Variants in PYGL observed in about 807,000 individuals in gnomAD.
The protein encoded by PYGL is glycogen phosphorylase, liver form.
Under a neutral mutation model 100.1 loss-of-function variants are expected in PYGL, and 90 were observed. That is an observed-to-expected ratio of 0.90 (90% CI 0.76 to 1.07). The LOEUF (loss-of-function observed/expected upper bound fraction) is 1.07. Among genes scored for constraint, PYGL ranks in the 50% least tolerant of loss-of-function variants. The pLI, the probability that PYGL is intolerant of heterozygous loss-of-function variation, is 0.00. For missense variants in PYGL, 1,016 were observed against 1,057.6 expected, an observed-to-expected ratio of 0.96 and a Z score of 0.55; for synonymous variants, 373 against 393.0, an observed-to-expected ratio of 0.95 and a Z score of 0.60.
chr14:50,940,502 T>G (rs1240832475), intron 1 of PYGL, among the ~76,000 whole-genome samples: 1 of 152,250 alleles, frequency 6.6e-6, no homozygotes, highest in Admixed American at 6.5e-5. Flanking sequence ...AATACTTCCT[T>G]GCATGACAGA....
intron 4 of PYGL, among the ~76,000 whole-genome samples, chr14:50,931,114 G>A (rs1172497201): frequency 6.6e-6 from 1 of 152,126 alleles, no homozygotes; most frequent in African/African-American, 2.4e-5. Context: ...CAGGACACTT[G>A]GTTTGTGTCT....
chr14:50,906,254 G>T (rs1443666397), intron 19 of PYGL, among the ~76,000 whole-genome samples: 3 of 152,178 alleles, frequency 2.0e-5, no homozygotes, highest in African/African-American at 4.8e-5. Context: ...TGTATTGGAA[G>T]TGAACAGAAC....
chr14:50,919,666 GGT>G (rs35650221), intron 7 of PYGL, among the ~76,000 whole-genome samples: 106,000 of 148,600 alleles, frequency 0.71, 40,404 homozygotes, highest in East Asian at 0.96. Context: ...AGTTCCAAGT[GGT>G]GTGTGTGTGT....
rs774143179 is a variant in PYGL, at chr14:50,917,051, T to C, written c.910A>G (p.Thr304Ala). The part of the protein sequence containing the change: ...LKQEYFVVAA[T>A]LQDIIRRFKA... ...AAACGGCGGATGATATCTTGCAAGG[T>C]TGCAGCCACCACAAAGTATTCCTGC... Residue 304 changes from threonine to alanine, a missense_variant, in exon 8 of 20, where the codon ACC (threonine) becomes GCC (alanine). Thr to Ala is a moderately conservative substitution (Grantham distance 58). Coordinates refer to ENST00000216392, the MANE Select transcript of PYGL (RefSeq NM_002863.5). 7.4e-6 allele frequency: 12 copies of C among 1,613,934 alleles called. No individual in the cohort carries two copies. In the South Asian group the frequency reaches 9.9e-5, roughly 13 times the overall value.
At chr14:50,910,601 G>A (rs373202732) in intron 16 of PYGL, among the ~76,000 whole-genome samples, 42 of 152,076 alleles carry the variant, frequency 2.8e-4, no homozygotes, top group African/African-American at 8.7e-4. Flanking sequence ...AATTACAAGC[G>A]AGCACCACCA....
At chr14:50,914,478 T>C (rs191603603) in intron 12 of PYGL, among the ~76,000 whole-genome samples, 113 of 150,398 alleles carry the variant, frequency 7.5e-4, no homozygotes, top group Admixed American at 1.3e-3. Context: ...GCCTGGGTGA[T>C]AGAGTGAAAC....
intron 3 of PYGL, among the ~76,000 whole-genome samples, chr14:50,934,760 C>T (rs1157576240): frequency 6.6e-6 from 1 of 152,042 alleles, no homozygotes; most frequent in Non-Finnish European, 1.5e-5. Context: ...AAACTGTTCC[C>T]TATGACCCCC....
At chr14:50,920,858 A>C (rs1487696152) in intron 6 of PYGL, 98 bp downstream of exon 6, 3 of 1,285,242 alleles carry the variant, frequency 2.3e-6, no homozygotes, top group East Asian at 4.8e-5. Context: ...TCAGAAACTC[A>C]AGGCTTTTTT....
chr14:50,924,026 C>A lies in PYGL; in HGVS notation c.603G>T (p.Val201=), dbSNP rs138364932. The A allele has an allele frequency of 1.9e-3, 3,044 of 1,613,832 alleles. 7 individuals carry two copies. Among genetic ancestry groups the A allele is most frequent in the Non-Finnish European group, 2.4e-3 (2,864 of 1,179,740 alleles). Residue 201 remains valine, a synonymous_variant, in exon 5 of 20, where the codon GTG becomes GTT. Transcript: ENST00000216392. The part of the protein sequence containing the change: ...EKSRPEFMLP[V]HFYGKVEHTN... ...TGTGTTCTACTTTTCCATAGAAGTG[C>A]ACAGGCAGCATGAATTCTGGGCGGG...
intron 13 of PYGL, chr14:50,912,540 A>G (rs1262805123): frequency 1.8e-6 from 1 of 541,012 alleles, no homozygotes; most frequent in African/African-American, 1.9e-5. Flanking sequence ...ACGGGGTTTC[A>G]TCATGTTGGC....
chr14:50,943,462 T>C (rs905774670), intron 1 of PYGL, among the ~76,000 whole-genome samples: 1 of 152,162 alleles, frequency 6.6e-6, no homozygotes, highest in Admixed American at 6.5e-5. Context: ...GCCTCGGGTG[T>C]GGAAGGGCTA....
At chr14:50,923,687 CAAAAA>C (rs762951824) in intron 5 of PYGL, 347 of 119,256 alleles carry the variant, frequency 2.9e-3, no homozygotes, top group Middle Eastern at 8.0e-3. Flanking sequence ...AATTTTCTGG[CAAAAA>C]AAAAAAAAAA....
At chr14:50,934,567 A>AAT (rs971311964) in intron 3 of PYGL, among the ~76,000 whole-genome samples, 3 of 152,074 alleles carry the variant, frequency 2.0e-5, no homozygotes, top group Admixed American at 1.3e-4. Flanking sequence ...ATTTTCTATG[A>AAT]ATATATATAT....
chr14:50,938,216 CT>C (rs1201937919), intron 1 of PYGL, among the ~76,000 whole-genome samples: 1 of 152,084 alleles, frequency 6.6e-6, no homozygotes, highest in Non-Finnish European at 1.5e-5. Context: ...AAAATCTTTT[CT>C]TTTTTTATTT....
chr14:50,915,762 G>A, intron 10 of PYGL, 63 bp downstream of exon 10: 2 of 1,567,146 alleles, frequency 1.3e-6, no homozygotes, highest in African/African-American at 1.3e-5. Flanking sequence ...GAACACTGTA[G>A]CCATCTGTAA....
At chr14:50,931,837 C>G in intron 3 of PYGL, 61 bp from the exon 4 acceptor site, 1 of 1,416,088 alleles carries the variant, frequency 7.1e-7, no homozygotes. Context: ...AATTTCCAGT[C>G]TTTCCCTAAA....
intron 19 of PYGL, among the ~76,000 whole-genome samples, chr14:50,907,267 CT>C (rs1222063206): frequency 6.6e-6 from 1 of 151,840 alleles, no homozygotes; most frequent in African/African-American, 2.4e-5. Context: ...TTATGAACAC[CT>C]TTCTCTTTCT....
chr14:50,905,867 T>C (rs1256556142), intron 19 of PYGL, among the ~76,000 whole-genome samples: 1 of 152,268 alleles, frequency 6.6e-6, no homozygotes, highest in Non-Finnish European at 1.5e-5. Flanking sequence ...ATATTTCCCA[T>C]GCTTTCTTAT....
chr14:50,912,634 G>A lies in PYGL; in HGVS notation c.1621-331C>T, dbSNP rs1385333868. Among the ~76,000 whole-genome samples the A allele has an allele frequency of 5.3e-5, 8 of 152,258 alleles. No individual in the cohort carries two copies. In the East Asian group the frequency reaches 1.2e-3, roughly 22 times the overall value. ...TAGGATTACAGGGATGAGCCACCGC[G>A]CCCGGCTGGGTGGTCTGTTTTTAAA... On this transcript the variant is annotated intron_variant, in intron 13 of 19. Transcript: ENST00000216392.
Sources: allele counts gnomAD v4.1 joint callset (sites outside exome capture counted in the v4.1 genomes callset), GRCh38; gene constraint gnomAD v4.1.1; transcripts MANE v1.5; gene names NCBI Gene and HGNC (gene_info 2026-07-23, HGNC 2026-07-21).